Variants in NR1H4 observed in about 807,000 individuals in gnomAD.
NR1H4 encodes nuclear receptor subfamily 1 group H member 4, also known as bile acid receptor.
A neutral mutation model predicts 58.5 loss-of-function variants in NR1H4; 23 were observed. The ratio of observed to expected loss-of-function variants is 0.39; its 90% CI spans 0.28 to 0.56. The LOEUF (loss-of-function observed/expected upper bound fraction) is 0.56. NR1H4 is among the 20% of genes least tolerant of loss of function. NR1H4 has a pLI of 0.58. For missense variants in NR1H4, 487 were observed against 576.9 expected (o/e 0.84, Z 1.60); for synonymous variants, 214 against 198.0 (o/e 1.08, Z -0.68).
chr12:100,477,652 GA>G, intron 1 of NR1H4, among the ~76,000 whole-genome samples: 1 of 152,312 alleles, frequency 6.6e-6, no homozygotes, highest in Non-Finnish European at 1.5e-5. Flanking sequence ...GCTGATTAGA[GA>G]AAACAAAAAC....
intron 4 of NR1H4, among the ~76,000 whole-genome samples, chr12:100,518,203 A>G (rs1954316073): frequency 6.6e-6 from 1 of 152,208 alleles, no homozygotes; most frequent in African/African-American, 2.4e-5. Flanking sequence ...ATGGCAGGGT[A>G]AATAGAGTGA....
intron 4 of NR1H4, among the ~76,000 whole-genome samples, chr12:100,520,780 G>T (rs1287670493): frequency 1.3e-5 from 2 of 152,150 alleles, no homozygotes; most frequent in Admixed American, 6.5e-5. Flanking sequence ...CATCTCTATG[G>T]GAGAGCTTAA....
chr12:100,551,519 C>A (rs1266826434), intron 9 of NR1H4, among the ~76,000 whole-genome samples: 1 of 152,218 alleles, frequency 6.6e-6, no homozygotes, highest in Non-Finnish European at 1.5e-5. Flanking sequence ...GAAATCTTAA[C>A]ACCTCTACTT....
In NR1H4 at chr12:100,561,899, T is replaced by C. The variant is rs1206742172; in HGVS notation, c.1093T>C (p.Tyr365His). 1.4e-6 allele frequency: 2 copies of C among 1,387,050 alleles called. No homozygotes were observed. Among genetic ancestry groups the C allele is most frequent in the Admixed American group, 1.7e-5 (1 of 59,682 alleles). The allele number at this position is 1,387,050 out of a possible 1,614,324, so 85.9% of individuals were successfully genotyped here. ...RIRNSGISDEYITPMFSFYKS... is the reference protein window; with the variant it reads ...RIRNSGISDEHITPMFSFYKS... The stretch of plus-strand genomic sequence containing the variant: ...TTCCCCCACAGGTATCTCTGATGAA[T>C]ATATAACACCTATGTTTAGTTTTTA... The change falls in exon 10 of 11, where the codon TAT becomes CAT. Residue 365 changes from tyrosine to histidine, a missense_variant. Physicochemically the swap from Tyr to His is moderately conservative, Grantham distance 83 (BLOSUM62 2). Coordinates refer to ENST00000392986, the MANE Select transcript of NR1H4 (RefSeq NM_001206979.2).
Position 100,534,874 on chromosome 12 carries a change from T to G in NR1H4, c.599-16T>G. ...CTTTCTGTGATTGGTGAAGTCTCTA[T>G]GCTTATTTGTTTTAGGCTTGTTAAC... On this transcript the variant is annotated splice_polypyrimidine_tract_variant and intron_variant, in intron 5 of 10. Coordinates refer to ENST00000392986, the MANE Select transcript of NR1H4 (RefSeq NM_001206979.2). The G allele has an allele frequency of 6.2e-7, 1 of 1,614,188 alleles. No homozygotes were observed. Among genetic ancestry groups the G allele is most frequent in the Non-Finnish European group, 8.5e-7 (1 of 1,180,008 alleles).
chr12:100,538,087 G>A (rs1458386642), intron 8 of NR1H4, among the ~76,000 whole-genome samples: 2 of 152,126 alleles, frequency 1.3e-5, no homozygotes, highest in African/African-American at 4.8e-5. Flanking sequence ...AATTCAGTGT[G>A]GTTATAGTAT....
At chr12:100,489,728 A>G (rs1344262300) in intron 1 of NR1H4, among the ~76,000 whole-genome samples, 1 of 152,230 alleles carries the variant, frequency 6.6e-6, no homozygotes, top group Non-Finnish European at 1.5e-5. Context: ...TAGCAATTGT[A>G]ATTGTATTTA....
At chr12:100,506,651 G>A (rs1017985262) in intron 3 of NR1H4, among the ~76,000 whole-genome samples, 2 of 152,076 alleles carry the variant, frequency 1.3e-5, no homozygotes, top group African/African-American at 2.4e-5. Flanking sequence ...TGGGTTACAC[G>A]CACCTGCCAC....
chr12:100,503,637 G>T, intron 3 of NR1H4: 3 of 797,462 alleles, frequency 3.8e-6, no homozygotes, highest in Non-Finnish European at 5.4e-6. Context: ...TGGAATGAGA[G>T]TTTGGGTTGG....
chr12:100,517,657 G>A (rs550689661), intron 4 of NR1H4, among the ~76,000 whole-genome samples: 1 of 152,066 alleles, frequency 6.6e-6, no homozygotes, highest in Admixed American at 6.6e-5. Context: ...CAGCAGTAAG[G>A]GTTGACTTTT....
intron 3 of NR1H4, among the ~76,000 whole-genome samples, chr12:100,497,231 A>G (rs1008731854): frequency 3.9e-5 from 6 of 152,110 alleles, no homozygotes; most frequent in African/African-American, 1.2e-4. Flanking sequence ...CCCAGGGGGC[A>G]TTAATTCCCC....
At chr12:100,510,605 TTTTA>T (rs1158747911) in intron 3 of NR1H4, among the ~76,000 whole-genome samples, 169 bp from the exon 4 acceptor site, 1 of 113,354 alleles carries the variant, frequency 8.8e-6, no homozygotes, top group African/African-American at 4.4e-5. Context: ...TGTCATTTAA[TTTTA>T]TATATATATA....
chr12:100,557,988 A>C (rs61941830), intron 9 of NR1H4, among the ~76,000 whole-genome samples: 1 of 152,036 alleles, frequency 6.6e-6, no homozygotes, highest in Non-Finnish European at 1.5e-5. Context: ...TCTCCATCCA[A>C]TGGCTCTTGT....
At chr12:100,532,747 A>G in intron 5 of NR1H4, 137 bp downstream of exon 5, 1 of 747,948 alleles carries the variant, frequency 1.3e-6, no homozygotes, top group Non-Finnish European at 2.2e-6. Context: ...AAGGGTAATG[A>G]ACCACTGAAA....
chr12:100,507,939 G>C lies in NR1H4; in HGVS notation c.80-2839G>C, dbSNP rs563326475. On this transcript the variant is annotated intron_variant, in intron 3 of 10. Transcript: ENST00000392986. The stretch of plus-strand genomic sequence containing the variant: ...GTGTAGAAAAGCCCTAAATTCTAAT[G>C]TTCATAAACTATTAGTCATATACTT... Among the ~76,000 whole-genome samples the C allele has an allele frequency of 2.4e-4, 37 of 152,040 alleles. 1 individual carries two copies. In the South Asian group the frequency reaches 6.5e-3, roughly 27 times the overall value.
chr12:100,564,342 T>C lies in NR1H4; in HGVS notation c.*853T>C, dbSNP rs375053681. On this transcript the variant is annotated 3_prime_UTR_variant, in exon 11 of 11. Coordinates refer to ENST00000392986, the MANE Select transcript of NR1H4 (RefSeq NM_001206979.2). ...AGCAGGAATTAGTTCATTTCCTTCCTTCATTGTTACACTGTTGCATTCTTC... is the reference window on the plus strand; with the variant it reads ...AGCAGGAATTAGTTCATTTCCTTCCCTCATTGTTACACTGTTGCATTCTTC... The C allele has an allele frequency of 2.6e-5, 4 of 152,238 alleles. No individual in the cohort carries two copies. The highest frequency in any genetic ancestry group is 7.2e-5 in the African/African-American group (3 of 41,454). The allele number at this position is 152,238 out of a possible 1,614,324, so 9.4% of individuals were successfully genotyped here.
chr12:100,503,329 C>T lies in NR1H4; in HGVS notation c.80-7449C>T, dbSNP rs955997789. ...GAAGTTAATCAGTAAACCACACAAC[C>T]TCTGTCCTCTCTCACTCCTTACCTA... On this transcript the variant is annotated intron_variant, in intron 3 of 10. Coordinates refer to ENST00000392986, the MANE Select transcript of NR1H4 (RefSeq NM_001206979.2). The T allele has an allele frequency of 1.0e-5, 16 of 1,558,530 alleles. No individual in the cohort carries two copies. In the East Asian group the frequency reaches 1.2e-4, roughly 11 times the overall value.
intron 1 of NR1H4, among the ~76,000 whole-genome samples, chr12:100,476,244 G>T (rs1051386572): frequency 6.6e-6 from 1 of 152,106 alleles, no homozygotes; most frequent in African/African-American, 2.4e-5. Flanking sequence ...GGAGCGGCGA[G>T]GGGGGACCAG....
At chr12:100,551,531 T>C (rs896531104) in intron 9 of NR1H4, among the ~76,000 whole-genome samples, 1 of 152,268 alleles carries the variant, frequency 6.6e-6, no homozygotes, top group African/African-American at 2.4e-5. Context: ...CCTCTACTTT[T>C]GCTTTTGAAA....
Sources: gnomAD v4.1 joint callset for allele counts (sites outside exome capture counted in the v4.1 genomes callset) on GRCh38, gnomAD v4.1.1 for gene constraint, MANE v1.5 for transcripts, NCBI Gene and HGNC (gene_info 2026-07-23, HGNC 2026-07-21) for gene names.